SH3GL2: variants seen among roughly 807,000 people sequenced by gnomAD.
SH3GL2 encodes SH3 domain containing GRB2 like 2, endophilin A1.
A neutral mutation model predicts 46.0 loss-of-function variants in SH3GL2; 24 were observed. The ratio of observed to expected loss-of-function variants is 0.52; its 90% CI spans 0.38 to 0.73. The LOEUF is 0.73. SH3GL2 is among the 30% of genes least tolerant of loss of function. The pLI is 0.00. For missense variants in SH3GL2, 413 were observed against 424.2 expected (o/e 0.97, Z 0.23); for synonymous variants, 196 against 147.1 (o/e 1.33, Z -2.40).
chr9:17,602,040 T>C (rs1327605105), intron 1 of SH3GL2, among the ~76,000 whole-genome samples: 1 of 152,194 alleles, frequency 6.6e-6, no homozygotes, highest in Non-Finnish European at 1.5e-5. Context: ...GAAACTTAAC[T>C]CTTCCTTCCC....
intron 1 of SH3GL2, among the ~76,000 whole-genome samples, chr9:17,643,054 G>A (rs988798034): frequency 6.6e-6 from 1 of 152,028 alleles, no homozygotes; most frequent in Non-Finnish European, 1.5e-5. Context: ...TGTGTCCTCT[G>A]TTATTTCCTT....
At chr9:17,582,733 C>T (rs563322608) in intron 1 of SH3GL2, among the ~76,000 whole-genome samples, 32 of 152,358 alleles carry the variant, frequency 2.1e-4, no homozygotes, top group African/African-American at 7.7e-4. Context: ...GACAAGCACA[C>T]TTGAAGTCTG....
intron 1 of SH3GL2, among the ~76,000 whole-genome samples, chr9:17,623,705 TACACACACACACACAC>T (rs10660392): frequency 0.022 from 3,221 of 147,888 alleles, 124 homozygotes; most frequent in African/African-American, 0.075. Context: ...TATAATTTCC[TACACACACACACACAC>T]ACACACACAC....
At chr9:17,675,579 A>G (rs1820586108) in intron 1 of SH3GL2, among the ~76,000 whole-genome samples, 1 of 152,228 alleles carries the variant, frequency 6.6e-6, no homozygotes, top group Non-Finnish European at 1.5e-5. Flanking sequence ...AGGGGAGAGT[A>G]AAAAAGGTGC....
chr9:17,729,352 T>C (rs924503499), intron 1 of SH3GL2, among the ~76,000 whole-genome samples: 6 of 152,190 alleles, frequency 3.9e-5, no homozygotes, highest in Non-Finnish European at 8.8e-5. Context: ...CCTTGTAGAT[T>C]CTGGATATTA....
At chr9:17,591,112 A>G (rs1280961630) in intron 1 of SH3GL2, 1 of 152,216 alleles carries the variant, frequency 6.6e-6, no homozygotes, top group Non-Finnish European at 1.5e-5. Context: ...GTCTGAAGAC[A>G]CAGACATGTA....
At chr9:17,769,562 C>T (rs1823412076) in intron 3 of SH3GL2, among the ~76,000 whole-genome samples, 1 of 152,112 alleles carries the variant, frequency 6.6e-6, no homozygotes, top group Admixed American at 6.6e-5. Context: ...GCCTGGAACA[C>T]TCTTCTCCAG....
rs370516820 is a variant in SH3GL2 at position 17,736,061 on chromosome 9, C to T, written c.46-11005C>T. Among the ~76,000 whole-genome samples, 3 of 152,022 alleles carry T rather than the reference C, an allele frequency of 2.0e-5. No homozygotes were observed. The South Asian group carries it at 6.2e-4, about 32-fold the overall frequency. On this transcript the variant is annotated intron_variant, in intron 1 of 8. Transcript: ENST00000380607. ...GTCAGCCCCAGTGCAGGCAGCAGAC[C>T]TCACGGCATAGGGTGGAAGCAAAGT...
chr9:17,794,742 C>G (rs184998241), intron 8 of SH3GL2, among the ~76,000 whole-genome samples: 1 of 152,236 alleles, frequency 6.6e-6, no homozygotes, highest in African/African-American at 2.4e-5. Flanking sequence ...TGATTTCATC[C>G]TTCATTATTT....
intron 1 of SH3GL2, among the ~76,000 whole-genome samples, chr9:17,742,277 G>T (rs1017012456): frequency 1.3e-5 from 2 of 152,132 alleles, no homozygotes; most frequent in South Asian, 2.1e-4. Flanking sequence ...TGTCTTCTGC[G>T]TAGAGGTGAC....
At chr9:17,776,370 C>G (rs566060226) in intron 3 of SH3GL2, among the ~76,000 whole-genome samples, 4 of 152,252 alleles carry the variant, frequency 2.6e-5, no homozygotes, top group Non-Finnish European at 4.4e-5. Flanking sequence ...GACTAAACCC[C>G]CTTAGAAAAC....
chr9:17,593,100 G>A (rs925062956), intron 1 of SH3GL2, among the ~76,000 whole-genome samples: 3 of 152,158 alleles, frequency 2.0e-5, no homozygotes, highest in South Asian at 2.1e-4. Flanking sequence ...CCCATACCTC[G>A]ACCTATGTGT....
At chr9:17,658,659 A>G (rs764468577) in intron 1 of SH3GL2, among the ~76,000 whole-genome samples, 1 of 152,254 alleles carries the variant, frequency 6.6e-6, no homozygotes, top group Non-Finnish European at 1.5e-5. Context: ...CTGCATTTGC[A>G]TAGCAGGCTT....
intron 1 of SH3GL2, among the ~76,000 whole-genome samples, chr9:17,742,592 T>G (rs368818212): frequency 1.3e-5 from 2 of 152,196 alleles, no homozygotes. Flanking sequence ...CTCTAAGTCA[T>G]CTTAACATTA....
chr9:17,663,827 C>T (rs988037827), intron 1 of SH3GL2, among the ~76,000 whole-genome samples: 6 of 152,184 alleles, frequency 3.9e-5, no homozygotes, highest in Non-Finnish European at 8.8e-5. Flanking sequence ...AAATAAACCT[C>T]TTTTCAGATG....
At chr9:17,752,306 C>G (rs1426630742) in intron 2 of SH3GL2, among the ~76,000 whole-genome samples, 2 of 152,036 alleles carry the variant, frequency 1.3e-5, no homozygotes, top group Non-Finnish European at 2.9e-5. Context: ...GTTCAGGAGT[C>G]TCAGTACTTT....
At chr9:17,643,879 G>C (rs1247093740) in intron 1 of SH3GL2, among the ~76,000 whole-genome samples, 1 of 152,056 alleles carries the variant, frequency 6.6e-6, no homozygotes, top group African/African-American at 2.4e-5. Context: ...CTCTTTTTCT[G>C]TTGTTTGGAA....
At chr9:17,605,395 C>T (rs1014655372) in intron 1 of SH3GL2, among the ~76,000 whole-genome samples, 3 of 152,152 alleles carry the variant, frequency 2.0e-5, no homozygotes, top group South Asian at 2.1e-4. Flanking sequence ...AGACTTCATC[C>T]GAAATTGAGA....
At chr9:17,742,487 G>A (rs964901393) in intron 1 of SH3GL2, among the ~76,000 whole-genome samples, 1 of 152,150 alleles carries the variant, frequency 6.6e-6, no homozygotes, top group African/African-American at 2.4e-5. Flanking sequence ...AACGTGAGTT[G>A]ATTGTATTAT....
Sources: allele counts gnomAD v4.1 joint callset (sites outside exome capture counted in the v4.1 genomes callset), GRCh38; gene constraint gnomAD v4.1.1; transcripts MANE v1.5; gene names NCBI Gene and HGNC (gene_info 2026-07-23, HGNC 2026-07-21).